Variants in ZNF839 observed in about 807,000 individuals in gnomAD.
ZNF839 encodes the protein zinc finger protein 839, also known as renal carcinoma antigen NY-REN-50.
A neutral mutation model predicts 56.4 loss-of-function variants in ZNF839; 38 were observed. That is an observed-to-expected ratio of 0.67 (90% CI 0.52 to 0.88). ZNF839 has a LOEUF of 0.88. Ranked by LOEUF, ZNF839 falls within the 40% of genes least tolerant of loss-of-function variation. ZNF839 has a pLI of 0.00. For synonymous variants in ZNF839, 486 were observed against 493.5 expected, an observed-to-expected ratio of 0.98 and a Z score of 0.20; for missense variants, 1,091 against 1,177.6, an observed-to-expected ratio of 0.93 and a Z score of 1.08.
intron 1 of ZNF839, among the ~76,000 whole-genome samples, chr14:102,322,553 T>C (rs942732183): frequency 6.6e-6 from 1 of 152,178 alleles, no homozygotes; most frequent in Non-Finnish European, 1.5e-5. Context: ...GTTTAGTGTA[T>C]GTATGTATAT....
chr14:102,320,932 C>G (rs1225001198), intron 1 of ZNF839, among the ~76,000 whole-genome samples: 2 of 152,178 alleles, frequency 1.3e-5, no homozygotes, highest in African/African-American at 2.4e-5. Flanking sequence ...AGTCTCACCC[C>G]AAAATTGCCA....
intron 1 of ZNF839, among the ~76,000 whole-genome samples, chr14:102,322,393 A>G (rs2073175719): frequency 6.6e-6 from 1 of 152,228 alleles, no homozygotes; most frequent in African/African-American, 2.4e-5. Context: ...GCTCCTGTGT[A>G]TGTATTCCAC....
chr14:102,333,149 A>G (rs1270460566), intron 3 of ZNF839, among the ~76,000 whole-genome samples: 9 of 150,992 alleles, frequency 6.0e-5, no homozygotes, highest in Non-Finnish European at 8.8e-5. Flanking sequence ...TAATGAAAAG[A>G]TTTTTCTGTA....
At position 102,335,720 on chromosome 14, in the gene ZNF839, T is replaced by TC; in HGVS notation, c.1544dup (p.Ala516SerfsTer4). The TC allele has an allele frequency of 6.3e-7, 1 of 1,598,504 alleles. No homozygotes were observed. The highest frequency in any genetic ancestry group is 8.5e-7 in the Non-Finnish European group (1 of 1,179,186). ...AAAGATCATCTAGCAAAGCCTTTTTTCCCAGCTATATATAAGGAATTTGAA... is the reference window on the plus strand; with the variant it reads ...AAAGATCATCTAGCAAAGCCTTTTTTCCCCAGCTATATATAAGGAATTTGAA... On this transcript the variant is annotated frameshift_variant, in exon 5 of 8. Coordinates refer to ENST00000442396, the MANE Select transcript of ZNF839 (RefSeq NM_018335.6). LOFTEE classifies it high-confidence loss of function.
chr14:102,320,857 C>T (rs1442981369), intron 1 of ZNF839, among the ~76,000 whole-genome samples: 1 of 152,188 alleles, frequency 6.6e-6, no homozygotes, highest in Non-Finnish European at 1.5e-5. Flanking sequence ...CGCCTGAAGC[C>T]AGAGGGCCTA....
At chr14:102,329,789 C>T (rs78180004) in intron 2 of ZNF839, among the ~76,000 whole-genome samples, 16 of 102,104 alleles carry the variant, frequency 1.6e-4, no homozygotes, top group African/African-American at 6.0e-4. Context: ...TAGAGATAAC[C>T]TTTTTTTTTT....
chr14:102,340,740 C>G, intron 7 of ZNF839, among the ~76,000 whole-genome samples: 2 of 152,214 alleles, frequency 1.3e-5, no homozygotes, highest in South Asian at 4.1e-4. Context: ...CCAGCTCACT[C>G]TGATGAAGAA....
intron 7 of ZNF839, among the ~76,000 whole-genome samples, chr14:102,340,531 C>T (rs1043502295): frequency 4.6e-5 from 7 of 152,144 alleles, no homozygotes; most frequent in African/African-American, 1.7e-4. Context: ...CTCAGCCTCC[C>T]ATAGTGCTAG....
At position 102,334,645 on chromosome 14, in the gene ZNF839, A is replaced by G. The variant is rs1263429512; in HGVS notation, c.1508A>G (p.Lys503Arg). ...ACCGTGTATGAGTTTCTTCTGATGAAGGTGAGTACTCTTAGTGTTTCTAAA... is the reference window on the plus strand; with the variant it reads ...ACCGTGTATGAGTTTCTTCTGATGAGGGTGAGTACTCTTAGTGTTTCTAAA... Reference protein sequence around the residue: ...VVTVYEFLLMKVEKDHLAKPF... With the variant: ...VVTVYEFLLMRVEKDHLAKPF... Residue 503 changes from lysine to arginine, a missense_variant and splice_region_variant, in exon 4 of 8, where the codon AAG (lysine) becomes AGG (arginine). Lys to Arg is a conservative substitution (Grantham distance 26). Coordinates refer to ENST00000442396, the MANE Select transcript of ZNF839 (RefSeq NM_018335.6). The G allele has an allele frequency of 1.2e-6, 2 of 1,601,628 alleles. No individual in the cohort carries two copies. The highest frequency in any genetic ancestry group is 8.5e-7 in the Non-Finnish European group (1 of 1,169,714).
intron 2 of ZNF839, among the ~76,000 whole-genome samples, chr14:102,328,247 G>A (rs1020551697): frequency 6.7e-6 from 1 of 148,930 alleles, no homozygotes; most frequent in Non-Finnish European, 1.5e-5. Context: ...CCAACTACTT[G>A]AGAGGCTGAG....
chr14:102,326,173 C>T lies in ZNF839; in HGVS notation c.477C>T (p.Thr159=), dbSNP rs759781621. The change falls in exon 2 of 8, where the codon ACC becomes ACT. Residue 159 remains threonine, a synonymous_variant. Coordinates refer to ENST00000442396, the MANE Select transcript of ZNF839 (RefSeq NM_018335.6). This position sits in a 1 kb window ranked among gnomAD's most constrained non-coding sequence, Gnocchi z 4.3. ...TCAGGGTACAGCCGCTTGTGAGAAC[C>T]GAGCCACAGTCCTGCTTCCTAAGTG... The part of the protein sequence containing the change: ...QLLRVQPLVR[T]EPQSCFLSDL... 1.9e-5 allele frequency: 30 copies of T among 1,613,584 alleles called. No homozygotes were observed. The highest frequency in any genetic ancestry group is 2.2e-5 in the East Asian group (1 of 44,876).
chr14:102,320,923 G>A (rs1445307904), intron 1 of ZNF839, among the ~76,000 whole-genome samples: 1 of 152,172 alleles, frequency 6.6e-6, no homozygotes, highest in Non-Finnish European at 1.5e-5. Flanking sequence ...AACAAAATTA[G>A]TCTCACCCCA....
chr14:102,331,125 A>T (rs1567291000), intron 2 of ZNF839, among the ~76,000 whole-genome samples: 1 of 152,248 alleles, frequency 6.6e-6, no homozygotes, highest in Non-Finnish European at 1.5e-5. Flanking sequence ...CAAAGGATGA[A>T]TTTTATGGTA....
chr14:102,335,897 G>C, intron 5 of ZNF839, 59 bp downstream of exon 5: 1 of 1,584,666 alleles, frequency 6.3e-7, no homozygotes, highest in African/African-American at 1.4e-5. Context: ...AAGAAAGAAG[G>C]GCCACGTGCA....
At chr14:102,318,447 A>T (rs532100581), upstream of ZNF839, among the ~76,000 whole-genome samples, 37 of 152,238 alleles carry the variant, frequency 2.4e-4, no homozygotes, top group South Asian at 7.1e-3. Flanking sequence ...AGCCTTACCA[A>T]CATGATGAAA....
chr14:102,340,201 CCTGACTGCAGGTGAT>C (rs1368800180), intron 7 of ZNF839, among the ~76,000 whole-genome samples: 1 of 151,456 alleles, frequency 6.6e-6, no homozygotes, highest in African/African-American at 2.4e-5. Context: ...GTCTGAAACT[CCTGACTGCAGGTGAT>C]CTGCCCACCT....
Position 102,326,381 on chromosome 14 carries a change from A to C in ZNF839, c.685A>C (p.Ile229Leu). 6.2e-7 allele frequency: 1 copy of C among 1,611,838 alleles called. No homozygotes were observed. Among genetic ancestry groups the C allele is most frequent in the Admixed American group, 1.7e-5 (1 of 59,526 alleles). The stretch of plus-strand genomic sequence containing the variant: ...TTCATCCAGTTCAGCACATCCATTT[A>C]TTTCCAACTTGCATACAAGACATAC... ...SLSSSSAHPF[I>L]SNLHTRHTEK... The change falls in exon 2 of 8, where the codon ATT becomes CTT. Residue 229 changes from isoleucine to leucine, a missense_variant. By Grantham distance (5) the Ile-to-Leu change is conservative (BLOSUM62 2). Transcript: ENST00000442396. The surrounding 1 kb of genome is among the most constrained non-coding windows in gnomAD (Gnocchi z 4.3).
At chr14:102,341,175 T>G in intron 7 of ZNF839, 148 bp from the exon 8 acceptor site, 2 of 865,950 alleles carry the variant, frequency 2.3e-6, no homozygotes, top group Non-Finnish European at 3.3e-6. Context: ...TTTTTAAAAT[T>G]GCTACCAATC....
intron 1 of ZNF839, 146 bp from the exon 2 acceptor site, chr14:102,325,839 C>T (rs2073379004): frequency 2.0e-6 from 2 of 975,698 alleles, no homozygotes; most frequent in South Asian, 1.6e-5. Flanking sequence ...AAAATACCAC[C>T]TTAGTACAAA....
Sources: allele counts gnomAD v4.1 joint callset (sites outside exome capture counted in the v4.1 genomes callset), GRCh38; gene constraint gnomAD v4.1.1; non-coding constraint Gnocchi (gnomAD v3.1); transcripts MANE v1.5; gene names NCBI Gene and HGNC (gene_info 2026-07-23, HGNC 2026-07-21).